The following NUP98 variants were observed in gnomAD, a reference collection of about 807,000 sequenced individuals.
NUP98 encodes the protein nucleoporin 98 and 96 precursor, also known as nuclear pore complex protein Nup98-Nup96.
NUP98 carries 26 observed loss-of-function variants against 191.9 expected under a neutral mutation model. The ratio of observed to expected loss-of-function variants is 0.14; its 90% CI spans 0.10 to 0.19. NUP98 has a LOEUF of 0.19. Among genes scored for constraint, NUP98 ranks in the 10% least tolerant of loss-of-function variants. The pLI is 1.00. For synonymous variants in NUP98, 808 were observed against 778.4 expected, an observed-to-expected ratio of 1.04 and a Z score of -0.63; for missense variants, 1,941 against 2,178.8, an observed-to-expected ratio of 0.89 and a Z score of 2.17.
intron 12 of NUP98, among the ~76,000 whole-genome samples, chr11:3,740,246 C>G (rs2080231629): frequency 6.6e-6 from 1 of 152,150 alleles, no homozygotes; most frequent in Non-Finnish European, 1.5e-5. Flanking sequence ...CGCGGTGGCT[C>G]ACACCTGTAA....
intron 18 of NUP98, among the ~76,000 whole-genome samples, chr11:3,716,930 T>C (rs1441088575): frequency 6.6e-6 from 1 of 152,190 alleles, no homozygotes; most frequent in East Asian, 1.9e-4. Flanking sequence ...TTTCTACAAA[T>C]CATGCCGCTG....
chr11:3,679,386 T>C (rs1473331251), intron 31 of NUP98, 168 bp downstream of exon 31: 1 of 815,334 alleles, frequency 1.2e-6, no homozygotes, highest in Non-Finnish European at 2.1e-6. Context: ...AGTTTCGATA[T>C]AGCTGTCAGA....
rs1359565515 is a variant in NUP98, at chr11:3,679,546, TC to T, written c.5073+7del. On this transcript the variant is annotated splice_region_variant and intron_variant, in intron 31 of 32. Transcript: ENST00000324932. The stretch of plus-strand genomic sequence containing the variant: ...AAAATCAGGCAGCAGTTTCAGGATC[TC>T]AGGTACCTGCTGTATATGGCGGAGC... 2 of 1,614,034 alleles carry T rather than the reference TC, an allele frequency of 1.2e-6. No individual in the cohort carries two copies. The highest frequency in any genetic ancestry group is 1.3e-5 in the African/African-American group (1 of 74,926).
chr11:3,705,304 T>C lies in NUP98; in HGVS notation c.2978A>G (p.Asp993Gly). The C allele has an allele frequency of 6.2e-7, 1 of 1,614,208 alleles. No individual in the cohort carries two copies. The highest frequency in any genetic ancestry group is 8.5e-7 in the Non-Finnish European group (1 of 1,180,026). ...TDEEDVDMAL[D>G]QRFSRLPSKA... Reference sequence around the variant, plus strand: ...GGAAGGCAGGCGACTGAAGCGTTGATCCAGTGCCATATCTACATCTTCTTC... The same window carrying C: ...GGAAGGCAGGCGACTGAAGCGTTGACCCAGTGCCATATCTACATCTTCTTC... The change falls in exon 22 of 33, where the codon GAT becomes GGT. Residue 993 changes from aspartate (D) to glycine (G), a missense_variant. Coordinates refer to ENST00000324932, the MANE Select transcript of NUP98 (RefSeq NM_016320.5).
At chr11:3,701,354 G>C (rs2078672299) in intron 23 of NUP98, among the ~76,000 whole-genome samples, 1 of 150,558 alleles carries the variant, frequency 6.6e-6, no homozygotes, top group Non-Finnish European at 1.5e-5. Context: ...CTGCCTCCTG[G>C]GTTCAAGGGC....
intron 19 of NUP98, 83 bp downstream of exon 19, chr11:3,713,735 T>C (rs1321129538): frequency 2.3e-6 from 3 of 1,309,058 alleles, no homozygotes; most frequent in Non-Finnish European, 3.2e-6. Context: ...CAATAGAATT[T>C]AGCAAAGGAT....
At chr11:3,723,725 A>G (rs1270304441) in intron 15 of NUP98, among the ~76,000 whole-genome samples, 1 of 151,876 alleles carries the variant, frequency 6.6e-6, no homozygotes, top group Non-Finnish European at 1.5e-5. Flanking sequence ...AATCAACAAA[A>G]TGTTAAAAAA....
chr11:3,713,758 A>G lies in NUP98; in HGVS notation c.2577+60T>C, dbSNP rs981183767. ...TTTAGCAAAGGATCCCTTCCAACAT[A>G]AACGTTATGTGACTCCAAATATAGT... is the stretch of plus-strand genomic sequence containing the variant. On this transcript the variant is annotated intron_variant, in intron 19 of 32. Transcript: ENST00000324932. The G allele has an allele frequency of 3.0e-5, 45 of 1,502,660 alleles. 1 individual carries two copies. The Middle Eastern group carries it at 2.8e-3, about 94-fold the overall frequency. The allele number at this position is 1,502,660 out of a possible 1,614,324, so 93.1% of individuals were successfully genotyped here. A position where few individuals can be genotyped will look rare whatever the true frequency, so the allele number is the denominator to read the frequency against.
chr11:3,772,032 GGAACCAT>G, intron 6 of NUP98, 104 bp from the exon 7 acceptor site: 2 of 940,420 alleles, frequency 2.1e-6, no homozygotes, highest in Non-Finnish European at 3.2e-6. Context: ...TGTTCACATA[GGAACCAT>G]AACTAAAAAA....
chr11:3,718,615 C>A (rs182811885), intron 18 of NUP98, among the ~76,000 whole-genome samples: 1 of 151,914 alleles, frequency 6.6e-6, no homozygotes, highest in African/African-American at 2.4e-5. Flanking sequence ...AGGAAAGGAT[C>A]GATTGATCTG....
intron 1 of NUP98, among the ~76,000 whole-genome samples, chr11:3,785,985 T>A (rs918672209): frequency 1.3e-5 from 2 of 152,106 alleles, no homozygotes; most frequent in African/African-American, 4.8e-5. Context: ...GAATACAAGA[T>A]AACATTTGAG....
rs2078596684 is a variant in NUP98, at chr11:3,698,986, G to C, written c.4009+96C>G. 3.6e-5 allele frequency: 51 copies of C among 1,417,384 alleles called. 1 individual carries two copies. In the South Asian group the frequency reaches 5.9e-4, roughly 16 times the overall value. The allele number at this position is 1,417,384 out of a possible 1,614,324, so 87.8% of individuals were successfully genotyped here. On this transcript the variant is annotated intron_variant, in intron 25 of 32. Coordinates refer to ENST00000324932, the MANE Select transcript of NUP98 (RefSeq NM_016320.5). ...GTCCGCAATTAATACTCATAGGCTA[G>C]AAGCCAAAGGGAAATGCACAATTAG...
intron 22 of NUP98, 73 bp downstream of exon 22, chr11:3,705,127 G>A: frequency 1.4e-6 from 2 of 1,460,834 alleles, no homozygotes; most frequent in South Asian, 2.4e-5. Flanking sequence ...ACTTGGGTTA[G>A]AAGAAGAAAA....
chr11:3,763,229 C>A (rs544336859), intron 8 of NUP98, among the ~76,000 whole-genome samples, 190 bp from the exon 9 acceptor site: 29 of 152,184 alleles, frequency 1.9e-4, no homozygotes, highest in African/African-American at 6.7e-4. Context: ...AAGCTCAGAG[C>A]ATTTTAAAAC....
At position 3,779,236 on chromosome 11, in the gene NUP98, CTAG is replaced by C; in HGVS notation, c.95_97del (p.Thr32del). The C allele has an allele frequency of 2.5e-6, 4 of 1,614,108 alleles. No individual in the cohort carries two copies. Among genetic ancestry groups the C allele is most frequent in the Non-Finnish European group, 3.4e-6 (4 of 1,179,954 alleles). ...TGCAGATGTTCCAAATGCCCCTCCA[CTAG>C]TAGTGCCAAAGCCAGTATCTGAAAA... is the stretch of plus-strand genomic sequence containing the variant. On this transcript the variant is annotated inframe_deletion, in exon 3 of 33. Transcript: ENST00000324932.
At chr11:3,734,538 C>G (rs2079972999) in intron 13 of NUP98, among the ~76,000 whole-genome samples, 1 of 152,180 alleles carries the variant, frequency 6.6e-6, no homozygotes, top group Admixed American at 6.5e-5. Context: ...GGCAAAATGA[C>G]TTTCTCATTT....
At chr11:3,683,762 T>G (rs2078050767) in intron 29 of NUP98, among the ~76,000 whole-genome samples, 1 of 151,768 alleles carries the variant, frequency 6.6e-6, no homozygotes, top group South Asian at 2.1e-4. Context: ...GGTCTGGAAC[T>G]CCCAACCTCA....
chr11:3,700,105 C>A (rs560706194), intron 24 of NUP98, among the ~76,000 whole-genome samples: 21 of 152,114 alleles, frequency 1.4e-4, no homozygotes, highest in Admixed American at 4.6e-4. Flanking sequence ...CCTGTAATCC[C>A]AGCACTTTGG....
chr11:3,748,166 G>C (rs369891428), intron 11 of NUP98, among the ~76,000 whole-genome samples: 1 of 152,174 alleles, frequency 6.6e-6, no homozygotes, highest in Admixed American at 6.6e-5. Context: ...TGGAATGAGA[G>C]ACAAAAGCAT....
Sources: gnomAD v4.1 joint callset for allele counts (sites outside exome capture counted in the v4.1 genomes callset) on GRCh38, gnomAD v4.1.1 for gene constraint, MANE v1.5 for transcripts, NCBI Gene and HGNC (gene_info 2026-07-23, HGNC 2026-07-21) for gene names.